C3orf70: variants seen among roughly 807,000 people sequenced by gnomAD.
The protein encoded by C3orf70 is UPF0524 protein C3orf70.
Under a neutral mutation model 20.7 loss-of-function variants are expected in C3orf70, and 15 were observed. The ratio of observed to expected loss-of-function variants is 0.72; its 90% CI spans 0.48 to 1.11. The LOEUF is 1.11. Ranked by LOEUF, C3orf70 falls within the 50% of genes most tolerant of loss-of-function variation. The pLI, the probability that C3orf70 is intolerant of heterozygous loss-of-function variation, is 0.00. For missense variants in C3orf70, 332 were observed against 317.6 expected (o/e 1.05, Z -0.34); for synonymous variants, 161 against 125.7 (o/e 1.28, Z -1.88).
intron 1 of C3orf70, among the ~76,000 whole-genome samples, chr3:185,085,217 A>ACAGG (rs1433808662): frequency 6.6e-6 from 1 of 152,178 alleles, no homozygotes; most frequent in Non-Finnish European, 1.5e-5. Flanking sequence ...GTCAGACTGG[A>ACAGG]AATCCTAGGA....
rs558032262 is a variant in C3orf70, at chr3:185,084,000, C to T, written c.197-437G>A. Among the ~76,000 whole-genome samples, 43 of 152,270 alleles carry T rather than the reference C, an allele frequency of 2.8e-4. No individual in the cohort carries two copies. In the South Asian group the frequency reaches 7.5e-3, roughly 26 times the overall value. On this transcript the variant is annotated intron_variant, in intron 1 of 1. Coordinates refer to ENST00000335012, the MANE Select transcript of C3orf70 (RefSeq NM_001025266.3). Reference sequence around the variant, plus strand: ...AGGAGTTCCAGACTAGCCTGGCCAACGTGGCAAAACCCTGTCTCTACTAAA... The same window carrying T: ...AGGAGTTCCAGACTAGCCTGGCCAATGTGGCAAAACCCTGTCTCTACTAAA...
At chr3:185,091,018 A>C (rs1250434526) in intron 1 of C3orf70, among the ~76,000 whole-genome samples, 1 of 152,218 alleles carries the variant, frequency 6.6e-6, no homozygotes, top group Non-Finnish European at 1.5e-5. Context: ...CTCAGCTAGC[A>C]AATCCTTATT....
chr3:185,080,539 T>C lies in C3orf70; in HGVS notation c.*2468A>G, dbSNP rs1715312565. 4 of 152,736 alleles carry C rather than the reference T, an allele frequency of 2.6e-5. No homozygotes were observed. Among genetic ancestry groups the C allele is most frequent in the Admixed American group, 2.0e-4 (3 of 15,290 alleles). 9.5% of individuals were successfully genotyped at this position (152,736 alleles called of 1,614,324 possible). ...AACGGTGTAGAGGAGAAAGCCCCTT[T>C]ATACGCCCATCTGGAGAACGGGCTC... On this transcript the variant is annotated 3_prime_UTR_variant, in exon 2 of 2. Coordinates refer to ENST00000335012, the MANE Select transcript of C3orf70 (RefSeq NM_001025266.3).
intron 1 of C3orf70, among the ~76,000 whole-genome samples, chr3:185,131,731 G>A (rs1037693411): frequency 1.3e-5 from 2 of 152,154 alleles, no homozygotes. Context: ...AAAAGCAAGT[G>A]GAAAATTGAG....
At position 185,152,804 on chromosome 3, in the gene C3orf70, G is replaced by A. The variant is rs1717023003; in HGVS notation, c.20C>T (p.Pro7Leu). The A allele has an allele frequency of 1.3e-6, 2 of 1,564,464 alleles. No homozygotes were observed. The highest frequency in any genetic ancestry group is 1.7e-6 in the Non-Finnish European group (2 of 1,153,716). Reference protein sequence around the residue: MSAAASPASERGWKSEK... With the variant: MSAAASLASERGWKSEK... ...GCTCTTCCAACCCCGCTCCGACGCC[G>A]GCGAGGCCGCCGCACTCATTTCCTC... The change falls in exon 1 of 2, where the codon CCG becomes CTG. Residue 7 changes from proline to leucine, a missense_variant. Pro to Leu is a moderately conservative substitution (Grantham distance 98). Coordinates refer to ENST00000335012, the MANE Select transcript of C3orf70 (RefSeq NM_001025266.3).
chr3:185,100,700 C>T (rs910261606), intron 1 of C3orf70, among the ~76,000 whole-genome samples: 1 of 151,750 alleles, frequency 6.6e-6, no homozygotes, highest in Non-Finnish European at 1.5e-5. Flanking sequence ...CAGAGCTGAA[C>T]TAAAACAGCT....
intron 1 of C3orf70, among the ~76,000 whole-genome samples, chr3:185,094,495 G>A (rs896091204): frequency 2.0e-5 from 3 of 152,102 alleles, no homozygotes; most frequent in Admixed American, 1.3e-4. Context: ...CCACTATAAC[G>A]TGGTAAGAGC....
At chr3:185,152,567 G>T in intron 1 of C3orf70, 61 bp downstream of exon 1, 1 of 1,460,310 alleles carries the variant, frequency 6.8e-7, no homozygotes, top group Non-Finnish European at 9.2e-7. Flanking sequence ...AGCGACCCCG[G>T]ACGGCCCGGC....
intron 1 of C3orf70, among the ~76,000 whole-genome samples, chr3:185,094,074 GTTTTTTTTT>G (rs71162282): frequency 4.6e-4 from 37 of 80,650 alleles, no homozygotes; most frequent in Admixed American, 9.0e-4. Flanking sequence ...ATACCCTGGG[GTTTTTTTTT>G]TTTTTTTTTT....
chr3:185,142,181 T>C (rs1024838403), intron 1 of C3orf70, among the ~76,000 whole-genome samples: 1 of 152,150 alleles, frequency 6.6e-6, no homozygotes, highest in Non-Finnish European at 1.5e-5. Flanking sequence ...TCAATTTGGC[T>C]GGGCACAGTG....
intron 1 of C3orf70, among the ~76,000 whole-genome samples, chr3:185,138,816 T>C (rs557900219): frequency 1.3e-5 from 2 of 152,192 alleles, no homozygotes; most frequent in African/African-American, 4.8e-5. Context: ...GGTGAAAGAT[T>C]TGGCTGGGCG....
intron 1 of C3orf70, among the ~76,000 whole-genome samples, chr3:185,125,415 AACAACAACAAC>A (rs1382464713): frequency 3.3e-5 from 5 of 151,768 alleles, no homozygotes; most frequent in Admixed American, 2.6e-4. Flanking sequence ...CAACAACAAC[AACAACAACAAC>A]AACAAAAACC....
chr3:185,130,662 C>G (rs548607245), intron 1 of C3orf70, among the ~76,000 whole-genome samples: 1 of 152,280 alleles, frequency 6.6e-6, no homozygotes, highest in South Asian at 2.1e-4. Context: ...TACTTTCTGT[C>G]TCTACAAATT....
At chr3:185,110,864 T>C (rs534141108) in intron 1 of C3orf70, among the ~76,000 whole-genome samples, 5 of 152,200 alleles carry the variant, frequency 3.3e-5, no homozygotes, top group Non-Finnish European at 5.9e-5. Flanking sequence ...TTAATATCTA[T>C]AGAAACAATG....
intron 1 of C3orf70, among the ~76,000 whole-genome samples, chr3:185,144,913 G>A (rs1716827320): frequency 6.6e-6 from 1 of 152,174 alleles, no homozygotes; most frequent in Admixed American, 6.5e-5. Context: ...GGATGAAACA[G>A]AATTGTTATT....
intron 1 of C3orf70, among the ~76,000 whole-genome samples, chr3:185,092,432 C>T (rs1418185287): frequency 6.6e-6 from 1 of 151,544 alleles, no homozygotes; most frequent in Non-Finnish European, 1.5e-5. Flanking sequence ...CAGATCTCTG[C>T]CACCTACCTC....
At chr3:185,095,735 C>CTTTTTTTTTT (rs756180408) in intron 1 of C3orf70, among the ~76,000 whole-genome samples, 4 of 127,556 alleles carry the variant, frequency 3.1e-5, no homozygotes, top group African/African-American at 1.1e-4. Context: ...CATTCTGAAA[C>CTTTTTTTTTT]TTTTTTTTTT....
At chr3:185,121,943 C>T (rs1716306248) in intron 1 of C3orf70, among the ~76,000 whole-genome samples, 1 of 151,878 alleles carries the variant, frequency 6.6e-6, no homozygotes, top group African/African-American at 2.4e-5. Context: ...ACTAAAAATA[C>T]AAAAAATTAG....
chr3:185,114,775 A>G (rs9861727), intron 1 of C3orf70, among the ~76,000 whole-genome samples: 7,906 of 152,304 alleles, frequency 0.052, 668 homozygotes, highest in African/African-American at 0.18. Flanking sequence ...GAATGACTTA[A>G]TAAGCTAACA....
Sources: gnomAD v4.1 joint callset for allele counts (sites outside exome capture counted in the v4.1 genomes callset) on GRCh38, gnomAD v4.1.1 for gene constraint, MANE v1.5 for transcripts, NCBI Gene and HGNC (gene_info 2026-07-23, HGNC 2026-07-21) for gene names.